Variants in DSCAM observed in about 807,000 individuals in gnomAD.
DSCAM encodes the protein DS cell adhesion molecule, also known as cell adhesion molecule DSCAM.
A neutral mutation model predicts 217.7 loss-of-function variants in DSCAM; 47 were observed. The ratio of observed to expected loss-of-function variants is 0.22; its 90% CI spans 0.17 to 0.28. The LOEUF is 0.28. DSCAM is among the 10% of genes least tolerant of loss of function. The pLI is 1.00. For synonymous variants in DSCAM, 1,056 were observed against 1,015.3 expected (o/e 1.04, Z -0.76); for missense variants, 2,080 against 2,618.3 (o/e 0.79, Z 4.49).
intron 14 of DSCAM, 90 bp from the exon 15 acceptor site, chr21:40,179,184 C>CA (rs11286508): frequency 0.2 from 20,440 of 101,980 alleles, 665 homozygotes; most frequent in East Asian, 0.22. Flanking sequence ...AATTAAAAAC[C>CA]AAAAAAAAAA....
intron 3 of DSCAM, among the ~76,000 whole-genome samples, chr21:40,426,001 T>C (rs910305404): frequency 1.3e-5 from 2 of 152,246 alleles, no homozygotes; most frequent in Non-Finnish European, 2.9e-5. Context: ...CTTTGCTTGC[T>C]GGTCAATCAA....
chr21:40,508,521 A>G (rs190702680), intron 3 of DSCAM, among the ~76,000 whole-genome samples: 1 of 151,934 alleles, frequency 6.6e-6, no homozygotes, highest in Non-Finnish European at 1.5e-5. Flanking sequence ...TGGCATTTAA[A>G]TATGGAGACA....
chr21:40,228,282 G>A (rs949438956), intron 11 of DSCAM, among the ~76,000 whole-genome samples: 1 of 152,064 alleles, frequency 6.6e-6, no homozygotes. Context: ...GAAGGAAGTC[G>A]CTCTGCAAAG....
At chr21:40,354,742 G>A (rs1436221006) in intron 4 of DSCAM, among the ~76,000 whole-genome samples, 6 of 151,428 alleles carry the variant, frequency 4.0e-5, no homozygotes, top group South Asian at 2.1e-4. Flanking sequence ...CCAGCTACTC[G>A]GGAGGCTGAG....
At chr21:40,812,422 GCAGA>G (rs1378617515) in intron 1 of DSCAM, among the ~76,000 whole-genome samples, 2 of 152,036 alleles carry the variant, frequency 1.3e-5, no homozygotes, top group African/African-American at 4.8e-5. Flanking sequence ...TGCCCAGCAC[GCAGA>G]CAGTGACCCC....
At chr21:40,185,684 C>A (rs1247309359) in intron 14 of DSCAM, among the ~76,000 whole-genome samples, 1 of 152,240 alleles carries the variant, frequency 6.6e-6, no homozygotes, top group Non-Finnish European at 1.5e-5. Flanking sequence ...AATGTGCCTG[C>A]CTCACCTAAG....
intron 8 of DSCAM, among the ~76,000 whole-genome samples, chr21:40,317,051 AAC>A (rs1278653593): frequency 6.6e-6 from 1 of 152,166 alleles, no homozygotes; most frequent in Non-Finnish European, 1.5e-5. Flanking sequence ...GTGATAATGA[AAC>A]ACAGTTCATT....
intron 3 of DSCAM, among the ~76,000 whole-genome samples, chr21:40,568,886 A>G (rs2076785061): frequency 6.6e-6 from 1 of 152,156 alleles, no homozygotes; most frequent in African/African-American, 2.4e-5. Flanking sequence ...CGAGGGCTGT[A>G]GCAGGAGGCC....
chr21:40,047,495 A>G (rs527420817), intron 30 of DSCAM, among the ~76,000 whole-genome samples: 9 of 152,230 alleles, frequency 5.9e-5, no homozygotes, highest in Non-Finnish European at 1.2e-4. Context: ...GCCTTTCAAC[A>G]TGGGGTTTGA....
Position 40,780,423 on chromosome 21 carries a change from G to GTGTATATATATA in DSCAM, c.43+66195_43+66196insTATATATATACA, listed in dbSNP as rs1007015659. On this transcript the variant is annotated intron_variant, in intron 1 of 32. Transcript: ENST00000400454. Reference sequence around the variant, plus strand: ...CGTGTGTGTGTGTGTGTGTGTGTGTGTATATATATATATATATATATATAT... The same window carrying GTGTATATATATA: ...CGTGTGTGTGTGTGTGTGTGTGTGTGTGTATATATATATATATATATATATATATATATATAT... Among the ~76,000 whole-genome samples the GTGTATATATATA allele has an allele frequency of 1.2e-4, 7 of 56,432 alleles. No homozygotes were observed. In the East Asian group the frequency reaches 1.4e-3, roughly 11 times the overall value. 37.0% of individuals were successfully genotyped at this position (56,432 alleles called of 152,430 possible). A position where few individuals can be genotyped will look rare whatever the true frequency, so the allele number is the denominator to read the frequency against.
chr21:40,780,423 G>GTATATATATATATATA lies in DSCAM; in HGVS notation c.43+66180_43+66195dup, dbSNP rs71186965. 5.3e-3 allele frequency among the ~76,000 whole-genome samples: 300 copies of GTATATATATATATATA among 56,288 alleles called. 3 individuals are homozygous for GTATATATATATATATA. The highest frequency in any genetic ancestry group is 0.018 in the African/African-American group (233 of 12,982). The allele number at this position is 56,288 out of a possible 152,430, so 36.9% of individuals were successfully genotyped here. Reference sequence around the variant, plus strand: ...CGTGTGTGTGTGTGTGTGTGTGTGTGTATATATATATATATATATATATAT... The same window carrying GTATATATATATATATA: ...CGTGTGTGTGTGTGTGTGTGTGTGTGTATATATATATATATATATATATATATATATATATATATAT... On this transcript the variant is annotated intron_variant, in intron 1 of 32. Coordinates refer to ENST00000400454, the MANE Select transcript of DSCAM (RefSeq NM_001389.5).
intron 1 of DSCAM, among the ~76,000 whole-genome samples, chr21:40,778,964 C>T (rs1388965552): frequency 4.5e-5 from 6 of 131,960 alleles, no homozygotes; most frequent in African/African-American, 1.4e-4. Flanking sequence ...GCAGAGGTTG[C>T]GGTGAGCTGA....
chr21:40,059,430 G>A (rs2089079657), intron 28 of DSCAM, among the ~76,000 whole-genome samples: 1 of 152,132 alleles, frequency 6.6e-6, no homozygotes, highest in African/African-American at 2.4e-5. Flanking sequence ...TCTCTTCTCT[G>A]GGGTGATGTG....
intron 1 of DSCAM, among the ~76,000 whole-genome samples, chr21:40,719,224 G>T (rs573092034): frequency 1.3e-5 from 2 of 152,214 alleles, no homozygotes; most frequent in South Asian, 4.2e-4. Flanking sequence ...AATGCCACTG[G>T]TCATTAAGAA....
chr21:40,518,265 T>A (rs1181600760), intron 3 of DSCAM, among the ~76,000 whole-genome samples: 1 of 130,420 alleles, frequency 7.7e-6, no homozygotes, highest in African/African-American at 2.9e-5. Context: ...TCTTGCTGGG[T>A]GAGGCACAAG....
chr21:40,104,952 C>T (rs762714928), intron 20 of DSCAM, among the ~76,000 whole-genome samples: 7 of 152,170 alleles, frequency 4.6e-5, no homozygotes, highest in Non-Finnish European at 8.8e-5. Context: ...GGGTGGCATA[C>T]ACTAAGCTAC....
At chr21:40,229,764 T>C (rs1325945065) in intron 11 of DSCAM, among the ~76,000 whole-genome samples, 1 of 152,250 alleles carries the variant, frequency 6.6e-6, no homozygotes, top group East Asian at 1.9e-4. Context: ...ACAGCTTGAT[T>C]GGTTCCAAAT....
At chr21:40,108,359 C>G (rs905214607) in intron 20 of DSCAM, among the ~76,000 whole-genome samples, 2 of 152,146 alleles carry the variant, frequency 1.3e-5, no homozygotes, top group East Asian at 3.8e-4. Flanking sequence ...CCTCTAACAA[C>G]AGTCAAGCTG....
intron 20 of DSCAM, among the ~76,000 whole-genome samples, chr21:40,115,750 C>T (rs1226590048): frequency 6.6e-6 from 1 of 152,152 alleles, no homozygotes; most frequent in Non-Finnish European, 1.5e-5. Flanking sequence ...TGTGGCAACT[C>T]CTCAAAGACC....
Sources: allele counts gnomAD v4.1 joint callset (sites outside exome capture counted in the v4.1 genomes callset), GRCh38; gene constraint gnomAD v4.1.1; transcripts MANE v1.5; gene names NCBI Gene and HGNC (gene_info 2026-07-23, HGNC 2026-07-21).